Variants in KCNIP4 observed in about 807,000 individuals in gnomAD.
KCNIP4 encodes the protein potassium voltage-gated channel interacting protein 4, also known as Kv channel-interacting protein 4.
KCNIP4 carries 12 observed loss-of-function variants against 34.0 expected under a neutral mutation model. That is an observed-to-expected ratio of 0.35 (90% CI 0.23 to 0.57). The LOEUF (loss-of-function observed/expected upper bound fraction) is 0.57, where lower values mean the gene tolerates loss of function less well. KCNIP4 is among the 20% of genes least tolerant of loss of function. KCNIP4 has a pLI of 0.83. For missense variants in KCNIP4, 238 were observed against 311.7 expected (o/e 0.76, Z 1.78); for synonymous variants, 124 against 102.2 (o/e 1.21, Z -1.29).
intron 1 of KCNIP4, among the ~76,000 whole-genome samples, chr4:21,813,510 G>A (rs1401433520): frequency 6.6e-6 from 1 of 152,088 alleles, no homozygotes; most frequent in Non-Finnish European, 1.5e-5. Flanking sequence ...CTTGCCCAAT[G>A]GTGACTAACT....
intron 1 of KCNIP4, among the ~76,000 whole-genome samples, chr4:21,710,639 A>G (rs78362663): frequency 0.017 from 2,648 of 152,270 alleles, 74 homozygotes; most frequent in African/African-American, 0.052. Flanking sequence ...TGCCTGGAAG[A>G]GGAGGCAGTG....
intron 1 of KCNIP4, among the ~76,000 whole-genome samples, chr4:21,120,398 C>T (rs541414035): frequency 5.0e-4 from 76 of 152,280 alleles, no homozygotes; most frequent in Non-Finnish European, 6.3e-4. Context: ...ATGGTCTTCC[C>T]TCCCTGTTTT....
At chr4:21,378,958 A>C (rs1036688640) in intron 1 of KCNIP4, among the ~76,000 whole-genome samples, 36 of 152,112 alleles carry the variant, frequency 2.4e-4, no homozygotes, top group African/African-American at 8.4e-4. Context: ...CCTTCTTCCT[A>C]TTCTGTCCAA....
intron 1 of KCNIP4, among the ~76,000 whole-genome samples, chr4:21,817,513 G>A (rs879813279): frequency 4.6e-5 from 7 of 152,162 alleles, no homozygotes; most frequent in East Asian, 3.9e-4. Flanking sequence ...CTGCGGGGTC[G>A]GGCAAAAAGA....
At chr4:21,508,521 A>C (rs1734041952) in intron 1 of KCNIP4, among the ~76,000 whole-genome samples, 1 of 152,192 alleles carries the variant, frequency 6.6e-6, no homozygotes, top group Admixed American at 6.5e-5. Context: ...GTTCTTTGTA[A>C]ATATAACTCA....
chr4:20,948,143 G>A (rs906725575), intron 1 of KCNIP4, among the ~76,000 whole-genome samples: 9 of 152,178 alleles, frequency 5.9e-5, no homozygotes, highest in Non-Finnish European at 1.2e-4. Flanking sequence ...GCAGACCATT[G>A]ACTTTTCTGC....
chr4:20,968,944 GTAAA>G (rs1734656347), intron 1 of KCNIP4, among the ~76,000 whole-genome samples: 2 of 151,866 alleles, frequency 1.3e-5, no homozygotes, highest in Admixed American at 1.3e-4. Flanking sequence ...AAAAATAAAA[GTAAA>G]TAGAGATATT....
chr4:21,346,194 G>T (rs1034455164), intron 1 of KCNIP4, among the ~76,000 whole-genome samples: 50 of 1,606 alleles, frequency 0.031, 1 homozygote, highest in Middle Eastern at 0.5. Flanking sequence ...TATATATATA[G>T]AATTATATAT....
At chr4:21,354,098 T>C (rs981484251) in intron 1 of KCNIP4, among the ~76,000 whole-genome samples, 15 of 152,278 alleles carry the variant, frequency 9.9e-5, no homozygotes, top group Non-Finnish European at 2.1e-4. Flanking sequence ...AAGCAAATGC[T>C]GAGAGATTTT....
At chr4:21,148,001 A>C (rs77989093) in intron 1 of KCNIP4, among the ~76,000 whole-genome samples, 3,653 of 148,806 alleles carry the variant, frequency 0.025, 175 homozygotes, top group African/African-American at 0.084. Flanking sequence ...AGTAAGAGGA[A>C]TTAAAAAAAT....
intron 1 of KCNIP4, among the ~76,000 whole-genome samples, chr4:21,482,517 ACT>A (rs1731521043): frequency 6.6e-6 from 1 of 150,802 alleles, no homozygotes; most frequent in African/African-American, 2.4e-5. Flanking sequence ...GTGGTGACAA[ACT>A]CTCTCAGCAT....
intron 1 of KCNIP4, among the ~76,000 whole-genome samples, chr4:21,839,956 T>G (rs1419417936): frequency 6.6e-6 from 1 of 152,024 alleles, no homozygotes; most frequent in Non-Finnish European, 1.5e-5. Context: ...CCACCCTACA[T>G]CTTGCCACTC....
intron 1 of KCNIP4, among the ~76,000 whole-genome samples, chr4:21,240,421 A>C (rs1391772284): frequency 6.6e-6 from 1 of 152,128 alleles, no homozygotes; most frequent in Admixed American, 6.6e-5. Context: ...TGTAGAAGAC[A>C]GGAGGATTCC....
intron 1 of KCNIP4, among the ~76,000 whole-genome samples, chr4:21,338,877 A>C (rs565983108): frequency 1.3e-5 from 2 of 152,122 alleles, no homozygotes; most frequent in Non-Finnish European, 2.9e-5. Flanking sequence ...ACACAAACTA[A>C]TCTGACAAGT....
At chr4:21,357,914 TA>T (rs1718810207) in intron 1 of KCNIP4, among the ~76,000 whole-genome samples, 1 of 152,082 alleles carries the variant, frequency 6.6e-6, no homozygotes, top group African/African-American at 2.4e-5. Flanking sequence ...AACTTGGAAC[TA>T]ACCCAAATGT....
intron 1 of KCNIP4, among the ~76,000 whole-genome samples, chr4:21,090,729 A>C (rs2109043145): frequency 6.6e-6 from 1 of 152,344 alleles, no homozygotes; most frequent in Non-Finnish European, 1.5e-5. Context: ...TGTGGACCTC[A>C]ATATCATTTG....
At position 20,742,751 on chromosome 4, in the gene KCNIP4, A is replaced by G. The variant is rs538399040; in HGVS notation, c.429+6911T>C. Among the ~76,000 whole-genome samples the G allele has an allele frequency of 1.4e-3, 214 of 152,288 alleles. 4 individuals are homozygous for G. The South Asian group carries it at 0.04, about 28-fold the overall frequency. On this transcript the variant is annotated intron_variant, in intron 5 of 8. Coordinates refer to ENST00000382152, the MANE Select transcript of KCNIP4 (RefSeq NM_025221.6). ...AGGAGAAGGAAATAAAGGGTATTCA[A>G]TTAGGGAAAGAAGAAGTCAAATTTT...
chr4:20,855,891 T>C (rs1163216974), intron 2 of KCNIP4, among the ~76,000 whole-genome samples: 1 of 152,104 alleles, frequency 6.6e-6, no homozygotes, highest in Non-Finnish European at 1.5e-5. Flanking sequence ...TGGGATAAAA[T>C]TGAGCTGACA....
intron 1 of KCNIP4, among the ~76,000 whole-genome samples, chr4:21,773,190 G>T (rs1306248742): frequency 6.6e-6 from 1 of 152,152 alleles, no homozygotes; most frequent in Admixed American, 6.5e-5. Flanking sequence ...AGTCATTCAA[G>T]AGCAGGCTGT....
Sources: gnomAD v4.1 joint callset for allele counts (sites outside exome capture counted in the v4.1 genomes callset) on GRCh38, gnomAD v4.1.1 for gene constraint, MANE v1.5 for transcripts, NCBI Gene and HGNC (gene_info 2026-07-23, HGNC 2026-07-21) for gene names.